The following NSD2 variants were observed in gnomAD, a reference collection of about 807,000 sequenced individuals.
NSD2 encodes histone-lysine N-methyltransferase NSD2.
Under a neutral mutation model 139.0 loss-of-function variants are expected in NSD2, and 12 were observed. The observed-to-expected ratio is 0.09, with a 90% CI of 0.06 to 0.14. The LOEUF (loss-of-function observed/expected upper bound fraction) is 0.14. Among genes scored for constraint, NSD2 ranks in the 10% least tolerant of loss-of-function variants. The probability of loss-of-function intolerance (pLI) is 1.00; values close to 1 mark genes in which losing one functional copy is unlikely to be tolerated. For synonymous variants in NSD2, 669 were observed against 648.7 expected (o/e 1.03, Z -0.48); for missense variants, 1,155 against 1,745.0 (o/e 0.66, Z 6.02).
intron 3 of NSD2, among the ~76,000 whole-genome samples, chr4:1,910,498 A>C (rs1718525918): frequency 6.6e-6 from 1 of 152,024 alleles, no homozygotes. Context: ...TAGATATTAC[A>C]CTCACTGGTC....
At chr4:1,900,530 T>C in intron 1 of NSD2, 96 bp from the exon 2 acceptor site, 1 of 730,180 alleles carries the variant, frequency 1.4e-6, no homozygotes, top group Non-Finnish European at 2.1e-6. Flanking sequence ...ACAAAGAAAA[T>C]CAGACCCCAC....
intron 6 of NSD2, among the ~76,000 whole-genome samples, chr4:1,931,872 C>T (rs1721676440): frequency 6.6e-6 from 1 of 152,102 alleles, no homozygotes; most frequent in African/African-American, 2.4e-5. Context: ...AGACGTGTTC[C>T]TTTTAAATGA....
In NSD2 at chr4:1,972,634, T is replaced by A. The variant is rs559426609; in HGVS notation, c.3373-2229T>A. 6.6e-6 allele frequency among the ~76,000 whole-genome samples: 1 copy of A among 152,154 alleles called. No homozygotes were observed. The highest frequency in any genetic ancestry group is 2.4e-5 in the African/African-American group (1 of 41,434). ...CTGATGCCTCCCCTCACACCACTTA[T>A]AAAGGCCAATTCCAGATGGATTGAA... On this transcript the variant is annotated intron_variant, in intron 18 of 21. Coordinates refer to ENST00000508803, the MANE Select transcript of NSD2 (RefSeq NM_001042424.3). This position sits in a 1 kb window ranked among gnomAD's most constrained non-coding sequence, Gnocchi z 4.0.
At chr4:1,898,683 A>C (rs1395505097) in intron 1 of NSD2, among the ~76,000 whole-genome samples, 1 of 145,264 alleles carries the variant, frequency 6.9e-6, no homozygotes, top group African/African-American at 2.5e-5. Flanking sequence ...AAAAAACAAA[A>C]AACACACTTT....
chr4:1,940,212 C>A (rs115884145), intron 9 of NSD2: 23 of 1,078,948 alleles, frequency 2.1e-5, no homozygotes, highest in Non-Finnish European at 2.5e-5. Context: ...ATTCCTGTTG[C>A]TTCCAGACCT....
At chr4:1,949,014 C>T (rs1184485872) in intron 9 of NSD2, among the ~76,000 whole-genome samples, 1 of 152,200 alleles carries the variant, frequency 6.6e-6, no homozygotes, top group Non-Finnish European at 1.5e-5. Flanking sequence ...TCAGCTTGGG[C>T]GACTGTGTGG....
At chr4:1,923,059 G>C (rs577646990) in intron 5 of NSD2, among the ~76,000 whole-genome samples, 1 of 152,308 alleles carries the variant, frequency 6.6e-6, no homozygotes, top group Admixed American at 6.5e-5. Flanking sequence ...TGCACTGGAC[G>C]TGGTGCTGGG....
chr4:1,945,317 G>A (rs567233968), intron 9 of NSD2: 1 of 1,066,110 alleles, frequency 9.4e-7, no homozygotes, highest in East Asian at 5.0e-5. Flanking sequence ...GGAGGATGCT[G>A]TGTGAGAGCC....
chr4:1,970,058 A>T (rs999130669), intron 18 of NSD2, among the ~76,000 whole-genome samples: 4 of 152,144 alleles, frequency 2.6e-5, no homozygotes, highest in Non-Finnish European at 5.9e-5. Context: ...AATGTAGGAA[A>T]GAAAGAGAAG....
chr4:1,903,730 A>AG (rs1491437148), intron 2 of NSD2, among the ~76,000 whole-genome samples: 24 of 149,758 alleles, frequency 1.6e-4, no homozygotes, highest in African/African-American at 5.5e-4. Flanking sequence ...AGTGAGAGAG[A>AG]AATTTTTTTT....
rs1421417035 is a variant in NSD2 at position 1,980,958 on chromosome 4, C to T, written c.*2049C>T. The T allele has an allele frequency of 3.0e-5, 7 of 233,146 alleles. No homozygotes were observed. The highest frequency in any genetic ancestry group is 5.6e-5 in the Admixed American group (1 of 17,782). The allele number at this position is 233,146 out of a possible 1,614,324, so 14.4% of individuals were successfully genotyped here. A position where few individuals can be genotyped will look rare whatever the true frequency, so the allele number is the denominator to read the frequency against. On this transcript the variant is annotated 3_prime_UTR_variant, in exon 22 of 22. Transcript: ENST00000508803. ...AGTGTCCCCACACACACCTTAGAGT[C>T]GAAGGCCCCAGGGCCCCGCTGTCAC...
At chr4:1,875,033 C>G (rs983217612) in intron 1 of NSD2, among the ~76,000 whole-genome samples, 1 of 152,156 alleles carries the variant, frequency 6.6e-6, no homozygotes, top group Non-Finnish European at 1.5e-5. Flanking sequence ...TCAATCATAG[C>G]TCACTGTAAC....
chr4:1,956,022 C>T lies in NSD2; in HGVS notation c.2715C>T (p.Pro905=), dbSNP rs774459377. The T allele has an allele frequency of 1.9e-6, 3 of 1,613,990 alleles. No individual in the cohort carries two copies. The Admixed American group carries it at 5.0e-5, about 27-fold the overall frequency. ...AAGTTTGCCATCCCAAAAATGTTCC[C>T]CCAAATATTCAGAAAATGAAGCACG... ...PAEVCHPKNV[P]PNIQKMKHEI... is the part of the protein sequence containing the mutation. Residue 905 remains proline (P), a synonymous_variant, in exon 15 of 22, where the codon CCC becomes CCT. Coordinates refer to ENST00000508803, the MANE Select transcript of NSD2 (RefSeq NM_001042424.3). This position sits in a 1 kb window ranked among gnomAD's most constrained non-coding sequence, Gnocchi z 5.3.
chr4:1,891,154 A>G (rs1466097553), intron 1 of NSD2, among the ~76,000 whole-genome samples: 1 of 152,128 alleles, frequency 6.6e-6, no homozygotes, highest in Non-Finnish European at 1.5e-5. Flanking sequence ...TTGGCCTCCC[A>G]TAGTACTGAG....
intron 6 of NSD2, among the ~76,000 whole-genome samples, chr4:1,931,094 G>A (rs2108857273): frequency 6.6e-6 from 1 of 152,244 alleles, no homozygotes; most frequent in African/African-American, 2.4e-5. Flanking sequence ...GGGAGGGAAG[G>A]TCGTCTCTTG....
intron 1 of NSD2, among the ~76,000 whole-genome samples, chr4:1,885,486 A>G (rs1033370892): frequency 2.0e-5 from 3 of 152,224 alleles, no homozygotes; most frequent in Non-Finnish European, 4.4e-5. Context: ...ATATGTTGAT[A>G]AAACTTCTGA....
rs541763036 is a variant in NSD2 at position 1,969,646 on chromosome 4, C to T, written c.3373-5217C>T. 1.2e-4 allele frequency among the ~76,000 whole-genome samples: 18 copies of T among 152,076 alleles called. No homozygotes were observed. The South Asian group carries it at 1.9e-3, about 16-fold the overall frequency. ...CGCTTGAGCCCAGGAGGCCAAGGCG[C>T]GCAGTAAGCCAAGGTCCTGTACAAT... On this transcript the variant is annotated intron_variant, in intron 18 of 21. Transcript: ENST00000508803.
At chr4:1,965,074 AAG>A (rs1553878209) in intron 18 of NSD2, among the ~76,000 whole-genome samples, 3 of 149,796 alleles carry the variant, frequency 2.0e-5, no homozygotes, top group East Asian at 1.9e-4. Context: ...AAAAAAAAAA[AAG>A]CCTACAAAGA....
At chr4:1,923,023 G>A (rs993935983) in intron 5 of NSD2, among the ~76,000 whole-genome samples, 5 of 152,170 alleles carry the variant, frequency 3.3e-5, no homozygotes, top group African/African-American at 9.7e-5. Flanking sequence ...ATGGGAAAGC[G>A]CTGCAGGCCA....
Sources: gnomAD v4.1 joint callset for allele counts (sites outside exome capture counted in the v4.1 genomes callset) on GRCh38, gnomAD v4.1.1 for gene constraint, Gnocchi (gnomAD v3.1) non-coding constraint, MANE v1.5 for transcripts, NCBI Gene and HGNC (gene_info 2026-07-23, HGNC 2026-07-21) for gene names.